TRABD2B: variants seen among roughly 807,000 people sequenced by gnomAD.
The protein encoded by TRABD2B is TraB domain containing 2B, also known as metalloprotease TIKI2.
TRABD2B carries 14 observed loss-of-function variants against 40.1 expected under a neutral mutation model. The ratio of observed to expected loss-of-function variants is 0.35; its 90% CI spans 0.23 to 0.55. The LOEUF is 0.55. Among genes scored for constraint, TRABD2B ranks in the 20% least tolerant of loss-of-function variants. The pLI is 0.90. For missense variants in TRABD2B, 541 were observed against 648.6 expected, an observed-to-expected ratio of 0.83 and a Z score of 1.80; for synonymous variants, 263 against 277.0, an observed-to-expected ratio of 0.95 and a Z score of 0.50.
At position 47,763,043 on chromosome 1, in the gene TRABD2B, A is replaced by G. The variant is rs1644261059; in HGVS notation, c.*2859T>C. 6.6e-6 allele frequency: 1 copy of G among 152,256 alleles called. No homozygotes were observed. Among genetic ancestry groups the G allele is most frequent in the South Asian group, 2.1e-4 (1 of 4,834 alleles). 9.4% of individuals were successfully genotyped at this position (152,256 alleles called of 1,614,324 possible). ...ACAAATTTCTCAGAGCAACAGGAGC[A>G]TTTTATGAGGCTGGGCACAAAGAAC... On this transcript the variant is annotated 3_prime_UTR_variant, in exon 7 of 7. Transcript: ENST00000606738.
chr1:47,813,664 AG>A lies in TRABD2B; in HGVS notation c.667-12046del, dbSNP rs1644993966. Reference sequence around the variant, plus strand: ...GACTAGCATTCTAAAAACCTTGTAAAGCAATATTGCCCTTCCTTAGGACACA... The same window carrying A: ...GACTAGCATTCTAAAAACCTTGTAAACAATATTGCCCTTCCTTAGGACACA... On this transcript the variant is annotated intron_variant, in intron 2 of 6. Transcript: ENST00000606738. This position sits in a 1 kb window ranked among gnomAD's most constrained non-coding sequence, Gnocchi z 4.3. 6.6e-6 allele frequency among the ~76,000 whole-genome samples: 1 copy of A among 152,146 alleles called. No individual in the cohort carries two copies. Among genetic ancestry groups the A allele is most frequent in the Non-Finnish European group, 1.5e-5 (1 of 68,030 alleles).
intron 2 of TRABD2B, among the ~76,000 whole-genome samples, chr1:47,866,877 G>A (rs1343934308): frequency 1.3e-5 from 2 of 152,136 alleles, no homozygotes; most frequent in Non-Finnish European, 2.9e-5. Context: ...GTCTAGAAAT[G>A]AGCTACTAAT....
chr1:47,978,189 G>A (rs1438026357), intron 2 of TRABD2B, among the ~76,000 whole-genome samples: 1 of 152,072 alleles, frequency 6.6e-6, no homozygotes, highest in Non-Finnish European at 1.5e-5. Flanking sequence ...GACTGAAGGG[G>A]CCATAGTTCT....
chr1:47,990,347 G>A (rs771094614), intron 2 of TRABD2B, among the ~76,000 whole-genome samples: 2 of 152,192 alleles, frequency 1.3e-5, no homozygotes, highest in Non-Finnish European at 2.9e-5. Context: ...GCCGGTACCA[G>A]TCCCTGGTGG....
chr1:47,918,709 A>C (rs1644862198), intron 2 of TRABD2B, among the ~76,000 whole-genome samples: 1 of 152,080 alleles, frequency 6.6e-6, no homozygotes. Context: ...AAAGGACTCC[A>C]AGCTCTTCCT....
At chr1:47,976,649 A>G (rs898363681) in intron 2 of TRABD2B, among the ~76,000 whole-genome samples, 2 of 152,186 alleles carry the variant, frequency 1.3e-5, no homozygotes, top group African/African-American at 4.8e-5. Context: ...AATTCAAGGG[A>G]GTGATTTGCA....
chr1:47,905,787 T>C (rs891227582), intron 2 of TRABD2B, among the ~76,000 whole-genome samples: 39 of 152,260 alleles, frequency 2.6e-4, no homozygotes, highest in African/African-American at 8.4e-4. Context: ...AATACAGTCA[T>C]ACATATTTTG....
chr1:47,785,614 C>T (rs1046967864), intron 4 of TRABD2B, among the ~76,000 whole-genome samples: 3 of 152,254 alleles, frequency 2.0e-5, no homozygotes, highest in Non-Finnish European at 4.4e-5. Flanking sequence ...AGGGGCAGAG[C>T]TGGGCTCAAG....
At chr1:47,951,087 T>C (rs140775499) in intron 2 of TRABD2B, among the ~76,000 whole-genome samples, 18 of 152,296 alleles carry the variant, frequency 1.2e-4, no homozygotes, top group Admixed American at 1.1e-3. Context: ...CTGCAGGGCA[T>C]GGTAAGCCAG....
chr1:47,842,786 T>A (rs981871588), intron 2 of TRABD2B, among the ~76,000 whole-genome samples: 1 of 152,156 alleles, frequency 6.6e-6, no homozygotes, highest in Non-Finnish European at 1.5e-5. Flanking sequence ...GGAGATTTCA[T>A]TGTAGCAGAA....
intron 4 of TRABD2B, among the ~76,000 whole-genome samples, chr1:47,792,992 G>C: frequency 6.6e-6 from 1 of 151,954 alleles, no homozygotes; most frequent in South Asian, 2.1e-4. Flanking sequence ...GAGTGGGAGG[G>C]GACTCTTCCC....
At chr1:47,934,165 T>C (rs988182160) in intron 2 of TRABD2B, among the ~76,000 whole-genome samples, 5 of 152,358 alleles carry the variant, frequency 3.3e-5, no homozygotes, top group South Asian at 2.1e-4. Flanking sequence ...GACAAGGAAG[T>C]TGAACCTTAG....
At chr1:47,825,504 C>G (rs1645163243) in intron 2 of TRABD2B, among the ~76,000 whole-genome samples, 1 of 152,252 alleles carries the variant, frequency 6.6e-6, no homozygotes, top group African/African-American at 2.4e-5. Flanking sequence ...CTAGAAGGGC[C>G]TCCTGCCAAA....
intron 2 of TRABD2B, among the ~76,000 whole-genome samples, chr1:47,914,923 T>A (rs1644810421): frequency 6.6e-6 from 1 of 152,250 alleles, no homozygotes. Context: ...GCCCGTGCTC[T>A]GGGTATAGAC....
chr1:47,957,205 A>T (rs1164948957), intron 2 of TRABD2B, among the ~76,000 whole-genome samples: 1 of 152,232 alleles, frequency 6.6e-6, no homozygotes, highest in African/African-American at 2.4e-5. Context: ...CTCCATCTGT[A>T]TGTCACCATC....
rs1007768744 is a variant in TRABD2B, at chr1:47,996,996, C to T, written c.-207G>A. On this transcript the variant is annotated 5_prime_UTR_variant, in exon 1 of 7. Transcript: ENST00000606738. This position sits in a 1 kb window ranked among gnomAD's most constrained non-coding sequence, Gnocchi z 4.6. ...CTCCGTCTGTTGGAAGAGGGAGACC[C>T]TCTAGGGCTGGGCCCCTCCCCCGGG... is the stretch of plus-strand genomic sequence containing the variant. The T allele has an allele frequency of 1.1e-5, 12 of 1,089,820 alleles. No homozygotes were observed. Among genetic ancestry groups the T allele is most frequent in the Non-Finnish European group, 1.3e-5 (12 of 898,584 alleles). 67.5% of individuals were successfully genotyped at this position (1,089,820 alleles called of 1,614,324 possible). A position where few individuals can be genotyped will look rare whatever the true frequency, so the allele number is the denominator to read the frequency against.
At chr1:47,824,999 A>G (rs1041740771) in intron 2 of TRABD2B, among the ~76,000 whole-genome samples, 1 of 152,330 alleles carries the variant, frequency 6.6e-6, no homozygotes, top group Middle Eastern at 3.4e-3. Flanking sequence ...TGCGACGAGG[A>G]TGAACCGCCA....
intron 2 of TRABD2B, among the ~76,000 whole-genome samples, chr1:47,981,954 C>A (rs1340472024): frequency 2.6e-5 from 4 of 152,206 alleles, no homozygotes; most frequent in African/African-American, 9.7e-5. Context: ...ACAGATCTAA[C>A]CCAGGGCAGA....
At chr1:47,956,036 T>G (rs1645416636) in intron 2 of TRABD2B, among the ~76,000 whole-genome samples, 1 of 152,206 alleles carries the variant, frequency 6.6e-6, no homozygotes, top group Non-Finnish European at 1.5e-5. Flanking sequence ...GGATGCTATT[T>G]GCTAAACTTG....
Sources: allele counts gnomAD v4.1 joint callset (sites outside exome capture counted in the v4.1 genomes callset), GRCh38; gene constraint gnomAD v4.1.1; non-coding constraint Gnocchi (gnomAD v3.1); transcripts MANE v1.5; gene names NCBI Gene and HGNC (gene_info 2026-07-23, HGNC 2026-07-21).